Variants in DNM3 observed in about 807,000 individuals in gnomAD.
DNM3 encodes the protein dynamin-3.
In DNM3, 47 loss-of-function variants were observed where a neutral mutation model predicts 101.6. That is an observed-to-expected ratio of 0.46 (90% CI 0.37 to 0.59). The LOEUF is 0.59. Ranked by LOEUF, DNM3 falls within the 20% of genes least tolerant of loss-of-function variation. DNM3 has a pLI of 0.00. For missense variants in DNM3, 849 were observed against 1,085.7 expected (o/e 0.78, Z 3.06); for synonymous variants, 385 against 387.9 (o/e 0.99, Z 0.09).
At position 172,089,187 on chromosome 1, in the gene DNM3, T is replaced by C. The variant is rs1476889773; in HGVS notation, c.1494-3637T>C. Among the ~76,000 whole-genome samples, 4 of 152,372 alleles carry C rather than the reference T, an allele frequency of 2.6e-5. No homozygotes were observed. In the East Asian group the frequency reaches 7.7e-4, roughly 29 times the overall value. Reference sequence around the variant, plus strand: ...CTCACATGTTTATTAATATGGATTTTATTTTTTATTTGTTATTTTTGTTTT... The same window carrying C: ...CTCACATGTTTATTAATATGGATTTCATTTTTTATTTGTTATTTTTGTTTT... On this transcript the variant is annotated intron_variant, in intron 12 of 20. Transcript: ENST00000627582.
chr1:172,118,474 A>G (rs1311807466), intron 13 of DNM3, among the ~76,000 whole-genome samples: 1 of 152,202 alleles, frequency 6.6e-6, no homozygotes, highest in Non-Finnish European at 1.5e-5. Context: ...TAGGGATCAA[A>G]ATTTCCAGGA....
intron 14 of DNM3, among the ~76,000 whole-genome samples, chr1:172,157,513 G>T (rs2058385107): frequency 1.3e-5 from 2 of 152,018 alleles, no homozygotes; most frequent in Non-Finnish European, 2.9e-5. Flanking sequence ...TTAATTTATT[G>T]TATTTATGAA....
In DNM3 at chr1:171,841,558, G is replaced by T. The variant is rs1405663462; in HGVS notation, c.-99G>T. The T allele has an allele frequency of 1.4e-6, 2 of 1,472,758 alleles. No homozygotes were observed. The highest frequency in any genetic ancestry group is 1.8e-6 in the Non-Finnish European group (2 of 1,111,426). The allele number at this position is 1,472,758 out of a possible 1,614,324, so 91.2% of individuals were successfully genotyped here. A position where few individuals can be genotyped will look rare whatever the true frequency, so the allele number is the denominator to read the frequency against. ...TCTGCGCCAGGACCTGGCTGGCTGA[G>T]CCCGGCGCAGCAGCAGCAGCCAGGG... On this transcript the variant is annotated 5_prime_UTR_variant, in exon 1 of 21. Coordinates refer to ENST00000627582, the MANE Select transcript of DNM3 (RefSeq NM_015569.5).
At chr1:172,317,395 G>A (rs574372236) in intron 16 of DNM3, among the ~76,000 whole-genome samples, 2 of 151,924 alleles carry the variant, frequency 1.3e-5, no homozygotes, top group South Asian at 4.2e-4. Context: ...AATCAGAGCA[G>A]AACTGAAGGA....
intron 4 of DNM3, among the ~76,000 whole-genome samples, chr1:172,015,638 T>C (rs1305900002): frequency 2.0e-5 from 3 of 152,234 alleles, no homozygotes. Flanking sequence ...AAACTCTCTA[T>C]AATTGCTTAT....
At chr1:172,343,004 G>A (rs1039985213) in intron 17 of DNM3, among the ~76,000 whole-genome samples, 1 of 152,178 alleles carries the variant, frequency 6.6e-6, no homozygotes, top group South Asian at 2.1e-4. Flanking sequence ...GTTTAATGCG[G>A]TCAGTTTTAT....
At chr1:172,182,042 A>G (rs2059367581) in intron 14 of DNM3, among the ~76,000 whole-genome samples, 1 of 152,032 alleles carries the variant, frequency 6.6e-6, no homozygotes, top group Non-Finnish European at 1.5e-5. Context: ...CAAGACTGAT[A>G]GTCGATTTCT....
At chr1:172,292,389 A>G (rs1341323098) in intron 15 of DNM3, among the ~76,000 whole-genome samples, 3 of 152,212 alleles carry the variant, frequency 2.0e-5, no homozygotes, top group African/African-American at 7.2e-5. Context: ...GCAAATATTT[A>G]TTGTCCAGAA....
chr1:171,939,378 T>C (rs1428455342), intron 2 of DNM3, among the ~76,000 whole-genome samples: 1 of 152,190 alleles, frequency 6.6e-6, no homozygotes, highest in African/African-American at 2.4e-5. Flanking sequence ...GATTTTTGAA[T>C]TGGTGTTTAT....
At chr1:172,230,963 T>G (rs2061314655) in intron 14 of DNM3, among the ~76,000 whole-genome samples, 1 of 152,000 alleles carries the variant, frequency 6.6e-6, no homozygotes, top group African/African-American at 2.4e-5. Flanking sequence ...GACATAGATC[T>G]TCTCCTCTTT....
intron 1 of DNM3, among the ~76,000 whole-genome samples, chr1:171,914,387 C>T (rs1246327419): frequency 6.6e-6 from 1 of 152,052 alleles, no homozygotes; most frequent in Non-Finnish European, 1.5e-5. Flanking sequence ...GAACTCCCAA[C>T]CTCAGGTGAT....
At chr1:172,167,923 A>AT (rs980080549) in intron 14 of DNM3, among the ~76,000 whole-genome samples, 1 of 151,846 alleles carries the variant, frequency 6.6e-6, no homozygotes, top group African/African-American at 2.4e-5. Context: ...CCACAGTAAG[A>AT]TTTTTTTTAA....
At position 172,319,789 on chromosome 1, in the gene DNM3, GT is replaced by G. The variant is rs950196363; in HGVS notation, c.1882-3539del. Among the ~76,000 whole-genome samples, 239 of 152,318 alleles carry G rather than the reference GT, an allele frequency of 1.6e-3. 1 individual carries two copies. The highest frequency in any genetic ancestry group is 6.8e-3 in the Middle Eastern group (2 of 294). ...ACACTTTTACACTGTTGGTGGGACT[GT>G]AAACTAGTTCAACCATTGTGGAAGT... is the stretch of plus-strand genomic sequence containing the variant. On this transcript the variant is annotated intron_variant, in intron 16 of 20. Coordinates refer to ENST00000627582, the MANE Select transcript of DNM3 (RefSeq NM_015569.5).
chr1:172,094,496 G>A (rs181501623), intron 13 of DNM3, among the ~76,000 whole-genome samples: 1 of 152,110 alleles, frequency 6.6e-6, no homozygotes, highest in Non-Finnish European at 1.5e-5. Context: ...ACATTCCTGG[G>A]TTCAAATTCT....
At chr1:171,875,063 T>G (rs1306856213) in intron 1 of DNM3, among the ~76,000 whole-genome samples, 1 of 152,066 alleles carries the variant, frequency 6.6e-6, no homozygotes, top group Admixed American at 6.6e-5. Context: ...TTTATCCAAT[T>G]TACTGTTGAT....
At chr1:172,298,819 GAGAA>G (rs1487067841) in intron 15 of DNM3, among the ~76,000 whole-genome samples, 11 of 146,168 alleles carry the variant, frequency 7.5e-5, no homozygotes, top group African/African-American at 2.6e-4. Context: ...AAAAGCAAGA[GAGAA>G]AGAAAAAAAG....
intron 15 of DNM3, among the ~76,000 whole-genome samples, chr1:172,263,584 A>C (rs1311485183): frequency 6.6e-6 from 1 of 152,204 alleles, no homozygotes; most frequent in Non-Finnish European, 1.5e-5. Context: ...GGCAAAAGAC[A>C]CATCTTACAT....
At chr1:171,856,774 G>A (rs1180713000) in intron 1 of DNM3, among the ~76,000 whole-genome samples, 2 of 152,034 alleles carry the variant, frequency 1.3e-5, no homozygotes, top group African/African-American at 4.8e-5. Context: ...GACACTATGG[G>A]GTTTTCTAGA....
At chr1:172,389,009 C>T (rs2069366293) in intron 20 of DNM3, 200 bp downstream of exon 20, 1 of 603,006 alleles carries the variant, frequency 1.7e-6, no homozygotes, top group Admixed American at 3.0e-5. Context: ...TGAAATTTCT[C>T]ATTTATCAAT....
Sources: gnomAD v4.1 joint callset for allele counts (sites outside exome capture counted in the v4.1 genomes callset) on GRCh38, gnomAD v4.1.1 for gene constraint, MANE v1.5 for transcripts, NCBI Gene and HGNC (gene_info 2026-07-23, HGNC 2026-07-21) for gene names.